TMEM178B: variants seen among roughly 807,000 people sequenced by gnomAD.
TMEM178B encodes transmembrane protein 178B.
A neutral mutation model predicts 31.0 loss-of-function variants in TMEM178B; 5 were observed. That is an observed-to-expected ratio of 0.16 (90% CI 0.08 to 0.34). The LOEUF (loss-of-function observed/expected upper bound fraction) is 0.34, where lower values mean the gene tolerates loss of function less well. TMEM178B is among the 10% of genes least tolerant of loss of function. TMEM178B has a pLI of 1.00. For synonymous variants in TMEM178B, 164 were observed against 164.0 expected (o/e 1.00, Z 0.00); for missense variants, 275 against 400.3 (o/e 0.69, Z 2.67).
At position 141,474,631 on chromosome 7, in the gene TMEM178B, A is replaced by T. The variant is rs939507175; in HGVS notation, c.*3845A>T. The T allele has an allele frequency of 6.6e-6, 1 of 152,190 alleles. No individual in the cohort carries two copies. The highest frequency in any genetic ancestry group is 2.4e-5 in the African/African-American group (1 of 41,432). The allele number at this position is 152,190 out of a possible 1,614,324, so 9.4% of individuals were successfully genotyped here. A position where few individuals can be genotyped will look rare whatever the true frequency, so the allele number is the denominator to read the frequency against. On this transcript the variant is annotated 3_prime_UTR_variant, in exon 4 of 4. Transcript: ENST00000565468. ...CCAGGTGCATATCTTCCCATCAGGG[A>T]TGAGTGGTCCCACCTAGCAATGCTT...
intron 2 of TMEM178B, among the ~76,000 whole-genome samples, chr7:141,363,504 A>G (rs1799951791): frequency 1.3e-5 from 2 of 152,214 alleles, no homozygotes; most frequent in African/African-American, 4.8e-5. Flanking sequence ...GTGATTGGCC[A>G]GGGTCAGGCT....
chr7:141,383,033 A>G (rs536926089), intron 2 of TMEM178B, among the ~76,000 whole-genome samples: 2 of 152,298 alleles, frequency 1.3e-5, no homozygotes, highest in East Asian at 3.9e-4. Context: ...CTATGCCCCA[A>G]GTTGTGGCAA....
At chr7:141,111,769 C>G (rs1037512124) in intron 1 of TMEM178B, among the ~76,000 whole-genome samples, 4 of 152,152 alleles carry the variant, frequency 2.6e-5, no homozygotes, top group African/African-American at 9.7e-5. Context: ...AGATAGAGGG[C>G]TAGAACACTT....
chr7:141,137,267 T>C (rs1425985783), intron 1 of TMEM178B, among the ~76,000 whole-genome samples: 1 of 152,206 alleles, frequency 6.6e-6, no homozygotes, highest in Non-Finnish European at 1.5e-5. Context: ...CACCCCTATG[T>C]GTATTGCAGC....
chr7:141,235,390 C>T lies in TMEM178B; in HGVS notation c.496+22686C>T, dbSNP rs762012302. On this transcript the variant is annotated intron_variant, in intron 2 of 3. Transcript: ENST00000565468. Reference sequence around the variant, plus strand: ...TTGAACTTTAGCTTCCAGTAAAGTACAGTCAGATGTAAATTACTGCATATA... The same window carrying T: ...TTGAACTTTAGCTTCCAGTAAAGTATAGTCAGATGTAAATTACTGCATATA... 4.6e-5 allele frequency among the ~76,000 whole-genome samples: 7 copies of T among 152,176 alleles called. No individual in the cohort carries two copies. In the East Asian group the frequency reaches 7.7e-4, roughly 17 times the overall value.
intron 1 of TMEM178B, among the ~76,000 whole-genome samples, chr7:141,093,808 G>C (rs1230097028): frequency 1.3e-5 from 2 of 152,212 alleles, no homozygotes; most frequent in Non-Finnish European, 2.9e-5. Flanking sequence ...CTGTCAATGG[G>C]TCAAGTTCAA....
chr7:141,488,178 G>T, the TMEM178B span, among the ~76,000 whole-genome samples: 5 of 152,080 alleles, frequency 3.3e-5, no homozygotes, highest in Admixed American at 3.3e-4. Flanking sequence ...ATGCAAAGTA[G>T]TTCTCATTAA....
Position 141,475,417 on chromosome 7 carries a change from A to G in TMEM178B, c.*4631A>G, listed in dbSNP as rs1262199426. On this transcript the variant is annotated 3_prime_UTR_variant, in exon 4 of 4. Coordinates refer to ENST00000565468, the MANE Select transcript of TMEM178B (RefSeq NM_001195278.2). ...ACTGAGTATTGGATTTCTTTCCTGA[A>G]TAATAACTGCTCATTGTAGAAAATA... 1 of 152,232 alleles carries G rather than the reference A, an allele frequency of 6.6e-6. No homozygotes were observed. The highest frequency in any genetic ancestry group is 1.5e-5 in the Non-Finnish European group (1 of 68,048). 9.4% of individuals were successfully genotyped at this position (152,232 alleles called of 1,614,324 possible).
chr7:141,234,542 C>T (rs922223488), intron 2 of TMEM178B, among the ~76,000 whole-genome samples: 2 of 152,158 alleles, frequency 1.3e-5, no homozygotes, highest in African/African-American at 4.8e-5. Context: ...CTCAGGCACA[C>T]CAGGGCTGTC....
At chr7:141,266,586 T>C (rs2116370653) in intron 2 of TMEM178B, among the ~76,000 whole-genome samples, 1 of 152,268 alleles carries the variant, frequency 6.6e-6, no homozygotes, top group East Asian at 1.9e-4. Flanking sequence ...AGGAAGTCTG[T>C]GAGAGTCTTC....
At chr7:141,244,968 T>C (rs534848081) in intron 2 of TMEM178B, among the ~76,000 whole-genome samples, 25 of 151,184 alleles carry the variant, frequency 1.7e-4, no homozygotes, top group Non-Finnish European at 3.4e-4. Flanking sequence ...AGAAACCCCA[T>C]CTCTACTAAA....
At chr7:141,466,774 T>C (rs557785665) in intron 3 of TMEM178B, among the ~76,000 whole-genome samples, 68 of 152,272 alleles carry the variant, frequency 4.5e-4, no homozygotes, top group African/African-American at 1.5e-3. Flanking sequence ...TGGCTTGAAC[T>C]TGAACTCACC....
chr7:141,231,448 A>G (rs1320050289), intron 2 of TMEM178B, among the ~76,000 whole-genome samples: 2 of 152,224 alleles, frequency 1.3e-5, no homozygotes, highest in Non-Finnish European at 2.9e-5. Flanking sequence ...GTTACTCAGT[A>G]TGTAACCTGA....
rs140523998 is a variant in TMEM178B at position 141,389,704 on chromosome 7, A to G, written c.497-47904A>G. ...TTCAAAATTGTCCTTGATCAGTGTC[A>G]AAGCCGTTATTATTAGGAGATGTCT... On this transcript the variant is annotated intron_variant, in intron 2 of 3. Transcript: ENST00000565468. 2.7e-3 allele frequency among the ~76,000 whole-genome samples: 415 copies of G among 152,332 alleles called. 2 individuals carry two copies. Among genetic ancestry groups the G allele is most frequent in the African/African-American group, 8.7e-3 (362 of 41,568 alleles).
chr7:141,076,150 C>A (rs567914879), intron 1 of TMEM178B, among the ~76,000 whole-genome samples: 1 of 152,284 alleles, frequency 6.6e-6, no homozygotes, highest in Non-Finnish European at 1.5e-5. Flanking sequence ...GGAGCACTAC[C>A]ACTTTGTAAA....
downstream of TMEM178B, among the ~76,000 whole-genome samples, chr7:141,483,951 G>T (rs998280630): frequency 6.6e-6 from 1 of 151,856 alleles, no homozygotes; most frequent in African/African-American, 2.4e-5. Context: ...GGCCAGGCTG[G>T]TCTCGAACTC....
At chr7:141,500,584 C>T in the TMEM178B span, among the ~76,000 whole-genome samples, 2 of 152,204 alleles carry the variant, frequency 1.3e-5, no homozygotes, top group African/African-American at 4.8e-5. Context: ...AGTTAGAATT[C>T]TATGGCCGTG....
intron 1 of TMEM178B, among the ~76,000 whole-genome samples, chr7:141,204,489 G>A (rs1240734640): frequency 6.6e-6 from 1 of 152,212 alleles, no homozygotes; most frequent in Non-Finnish European, 1.5e-5. Context: ...GTCCACTGCA[G>A]CTTCAGCCGG....
At chr7:141,141,482 A>G (rs1294497718) in intron 1 of TMEM178B, among the ~76,000 whole-genome samples, 2 of 152,074 alleles carry the variant, frequency 1.3e-5, no homozygotes, top group Non-Finnish European at 2.9e-5. Context: ...GTTTTTTATT[A>G]TAGTACCCTG....
Sources: gnomAD v4.1 joint callset for allele counts (sites outside exome capture counted in the v4.1 genomes callset) on GRCh38, gnomAD v4.1.1 for gene constraint, MANE v1.5 for transcripts, NCBI Gene and HGNC (gene_info 2026-07-23, HGNC 2026-07-21) for gene names.